Variants in PTPRD observed in about 807,000 individuals in gnomAD.
The protein encoded by PTPRD is protein tyrosine phosphatase receptor type D.
Under a neutral mutation model 214.5 loss-of-function variants are expected in PTPRD, and 34 were observed. That is an observed-to-expected ratio of 0.16 (90% CI 0.12 to 0.21). The LOEUF is 0.21. Ranked by LOEUF, PTPRD falls within the 10% of genes least tolerant of loss-of-function variation. The pLI, the probability that PTPRD is intolerant of heterozygous loss-of-function variation, is 1.00. For synonymous variants in PTPRD, 1,128 were observed against 845.7 expected (o/e 1.33, Z -5.79); for missense variants, 2,545 against 2,398.7 (o/e 1.06, Z -1.27).
Position 8,324,040 on chromosome 9 carries a change from A to G in PTPRD, c.5535-4074T>C, listed in dbSNP as rs116688750. Among the ~76,000 whole-genome samples, 1,017 of 152,170 alleles carry G rather than the reference A, an allele frequency of 6.7e-3. 14 individuals carry two copies. Among genetic ancestry groups the G allele is most frequent in the African/African-American group, 0.023 (969 of 41,512 alleles). On this transcript the variant is annotated intron_variant, in intron 44 of 45. Transcript: ENST00000381196. ...GATTAGTCAGCAGCCATCAAAATAG[A>G]GGCAAGACCCTCAACCAGCAAAAAG...
At position 10,336,694 on chromosome 9, in the gene PTPRD, C is replaced by T. The variant is rs1194051236; in HGVS notation, c.-545+4269G>A. 2.0e-5 allele frequency among the ~76,000 whole-genome samples: 3 copies of T among 151,134 alleles called. No individual in the cohort carries two copies. In the East Asian group the frequency reaches 5.9e-4, roughly 29 times the overall value. On this transcript the variant is annotated intron_variant, in intron 3 of 45. Coordinates refer to ENST00000381196, the MANE Select transcript of PTPRD (RefSeq NM_002839.4). ...AATAAAAAGAATGAATAAAAAAAAT[C>T]GAGGAGGGGAGACAAAAAAGTCGAC...
At chr9:8,744,403 C>T (rs892729827) in intron 11 of PTPRD, among the ~76,000 whole-genome samples, 13 of 152,150 alleles carry the variant, frequency 8.5e-5, no homozygotes, top group African/African-American at 2.9e-4. Context: ...AGCCCAAATG[C>T]CCATCAATCA....
intron 5 of PTPRD, among the ~76,000 whole-genome samples, chr9:9,916,889 G>C (rs1340320968): frequency 2.0e-5 from 3 of 151,672 alleles, no homozygotes; most frequent in Admixed American, 1.3e-4. Context: ...GATCACAATA[G>C]AATAAAATGA....
At chr9:9,599,239 A>G (rs961663629) in intron 7 of PTPRD, among the ~76,000 whole-genome samples, 5 of 152,058 alleles carry the variant, frequency 3.3e-5, no homozygotes, top group African/African-American at 1.2e-4. Context: ...GAGTCCCATG[A>G]TAATGTCATA....
At chr9:10,138,669 T>C (rs201738032) in intron 3 of PTPRD, among the ~76,000 whole-genome samples, 1 of 152,062 alleles carries the variant, frequency 6.6e-6, no homozygotes, top group African/African-American at 2.4e-5. Flanking sequence ...ACTAGCAAAC[T>C]GAATCCAGCA....
At chr9:8,332,384 A>C (rs976547443) in intron 43 of PTPRD, among the ~76,000 whole-genome samples, 8 of 152,234 alleles carry the variant, frequency 5.3e-5, no homozygotes, top group African/African-American at 1.9e-4. Context: ...ACATAGCATG[A>C]ACCATATGAC....
chr9:9,785,217 T>C (rs539896032), intron 5 of PTPRD, among the ~76,000 whole-genome samples: 9 of 152,038 alleles, frequency 5.9e-5, no homozygotes, highest in African/African-American at 2.2e-4. Context: ...AAAATTGCCA[T>C]TCAGGAAACA....
intron 2 of PTPRD, among the ~76,000 whole-genome samples, chr9:10,591,797 G>A (rs1001567392): frequency 2.6e-5 from 4 of 152,054 alleles, no homozygotes; most frequent in Admixed American, 1.3e-4. Context: ...TCTTTCTGTT[G>A]CTCATGCTTA....
intron 5 of PTPRD, among the ~76,000 whole-genome samples, chr9:9,908,770 A>C (rs1182993279): frequency 6.6e-6 from 1 of 151,968 alleles, no homozygotes; most frequent in Non-Finnish European, 1.5e-5. Flanking sequence ...AATATAACAT[A>C]TTTATCTATG....
intron 14 of PTPRD, among the ~76,000 whole-genome samples, chr9:8,588,365 C>T (rs2093831608): frequency 1.3e-5 from 2 of 152,114 alleles, no homozygotes; most frequent in Admixed American, 1.3e-4. Flanking sequence ...CTTTGTGTCA[C>T]AGTCATATTA....
At chr9:9,047,851 C>T (rs2154390285) in intron 10 of PTPRD, among the ~76,000 whole-genome samples, 1 of 152,102 alleles carries the variant, frequency 6.6e-6, no homozygotes, top group Non-Finnish European at 1.5e-5. Flanking sequence ...TACCCACAAA[C>T]CAAGCAAACA....
chr9:10,320,095 T>G (rs1024469119), intron 3 of PTPRD, among the ~76,000 whole-genome samples: 1 of 152,068 alleles, frequency 6.6e-6, no homozygotes, highest in African/African-American at 2.4e-5. Flanking sequence ...AGATTTCAGC[T>G]TTCTGTTCTA....
intron 11 of PTPRD, among the ~76,000 whole-genome samples, chr9:8,992,051 T>C (rs111414336): frequency 0.03 from 4,525 of 152,218 alleles, 104 homozygotes; most frequent in African/African-American, 0.058. Flanking sequence ...GCCCAAATTA[T>C]CCTATATTCC....
chr9:10,149,625 C>T (rs950181026), intron 3 of PTPRD, among the ~76,000 whole-genome samples: 1 of 152,160 alleles, frequency 6.6e-6, no homozygotes, highest in African/African-American at 2.4e-5. Flanking sequence ...TAGACCCAGG[C>T]CATGCAGCCA....
chr9:9,659,066 G>A (rs2096574542), intron 7 of PTPRD, among the ~76,000 whole-genome samples: 1 of 152,076 alleles, frequency 6.6e-6, no homozygotes, highest in South Asian at 2.1e-4. Flanking sequence ...TGAAAGAAAA[G>A]AGGTGAAGAT....
At chr9:9,971,433 A>G (rs1422063837) in intron 4 of PTPRD, among the ~76,000 whole-genome samples, 2 of 152,180 alleles carry the variant, frequency 1.3e-5, no homozygotes, top group South Asian at 2.1e-4. Context: ...TTAATTTTAT[A>G]TTAAAATTAG....
At chr9:8,859,532 T>C (rs755089600) in intron 11 of PTPRD, among the ~76,000 whole-genome samples, 1 of 152,188 alleles carries the variant, frequency 6.6e-6, no homozygotes, top group Non-Finnish European at 1.5e-5. Flanking sequence ...CATTCTGTGT[T>C]CAGGCCAGCA....
rs1192479090 is a variant in PTPRD, at chr9:8,663,310, C to G, written c.65-26466G>C. ...TTTTTTTTTTTTAATTCTGGGTCCACAAGGTAAAAGACTCACAAGGAAAAA... is the reference window on the plus strand; with the variant it reads ...TTTTTTTTTTTTAATTCTGGGTCCAGAAGGTAAAAGACTCACAAGGAAAAA... On this transcript the variant is annotated intron_variant, in intron 12 of 45. Transcript: ENST00000381196. Among the ~76,000 whole-genome samples, 17 of 142,544 alleles carry G rather than the reference C, an allele frequency of 1.2e-4. No individual in the cohort carries two copies. In the East Asian group the frequency reaches 3.4e-3, roughly 29 times the overall value. The allele number at this position is 142,544 out of a possible 152,430, so 93.5% of individuals were successfully genotyped here.
intron 11 of PTPRD, among the ~76,000 whole-genome samples, chr9:8,879,559 T>A (rs1214072384): frequency 2.0e-5 from 3 of 152,162 alleles, no homozygotes; most frequent in Non-Finnish European, 4.4e-5. Flanking sequence ...GTTATTTTAG[T>A]ATTGGAGGTC....
Sources: gnomAD v4.1 joint callset for allele counts (sites outside exome capture counted in the v4.1 genomes callset) on GRCh38, gnomAD v4.1.1 for gene constraint, MANE v1.5 for transcripts, NCBI Gene and HGNC (gene_info 2026-07-23, HGNC 2026-07-21) for gene names.